The following UNC5B variants were observed in gnomAD, a reference collection of about 807,000 sequenced individuals.
UNC5B encodes unc-5 netrin receptor B, also known as netrin receptor UNC5B.
UNC5B carries 56 observed loss-of-function variants against 103.7 expected under a neutral mutation model. The observed-to-expected ratio is 0.54, with a 90% CI of 0.44 to 0.67. UNC5B has a LOEUF of 0.67. Ranked by LOEUF, UNC5B falls within the 30% of genes least tolerant of loss-of-function variation. UNC5B has a pLI of 0.00. For missense variants in UNC5B, 1,194 were observed against 1,284.5 expected (o/e 0.93, Z 1.08); for synonymous variants, 577 against 542.0 (o/e 1.06, Z -0.90).
chr10:71,276,333 C>T (rs990654095), intron 1 of UNC5B, among the ~76,000 whole-genome samples: 1 of 152,132 alleles, frequency 6.6e-6, no homozygotes, highest in Non-Finnish European at 1.5e-5. Context: ...TTCTCCCACC[C>T]AGCTGGTATC....
intron 1 of UNC5B, among the ~76,000 whole-genome samples, chr10:71,221,300 G>A (rs1256574314): frequency 6.6e-6 from 1 of 152,154 alleles, no homozygotes; most frequent in Non-Finnish European, 1.5e-5. Context: ...GGCAGCCTGG[G>A]CATGTGCGAG....
Position 71,279,960 on chromosome 10 carries a change from C to T in UNC5B, c.219C>T (p.Pro73=), listed in dbSNP as rs760619135. The change falls in exon 2 of 17, where the codon CCC becomes CCT. Residue 73 remains proline (P), a synonymous_variant. Coordinates refer to ENST00000335350, the MANE Select transcript of UNC5B (RefSeq NM_170744.5). ...TGGAGCTCCGCTGCCGCGCCTTCCC[C>T]GCCACACAGATCTACTTCAAGTGCA... The part of the protein sequence containing the change: ...KPVELRCRAF[P]ATQIYFKCNG... 1.1e-4 allele frequency: 183 copies of T among 1,614,066 alleles called. No homozygotes were observed. Among genetic ancestry groups the T allele is most frequent in the Non-Finnish European group, 1.4e-4 (163 of 1,180,062 alleles).
intron 4 of UNC5B, among the ~76,000 whole-genome samples, chr10:71,286,263 C>T (rs1376127083): frequency 6.6e-6 from 1 of 152,192 alleles, no homozygotes; most frequent in African/African-American, 2.4e-5. Flanking sequence ...GGACCTTCTT[C>T]GTATCACCTC....
At chr10:71,264,051 C>A (rs756000789) in intron 1 of UNC5B, among the ~76,000 whole-genome samples, 1 of 152,206 alleles carries the variant, frequency 6.6e-6, no homozygotes, top group Non-Finnish European at 1.5e-5. Flanking sequence ...ACTCTTTATC[C>A]TTTCCAGAGG....
Position 71,296,719 on chromosome 10 carries a change from CA to C in UNC5B, c.2468del (p.Gln823ArgfsTer48). ...AGTGGAAGGGGAGGGCCAGATATTC[CA>C]GCTGCATACCACTCTGGCAGAGGTG... is the stretch of plus-strand genomic sequence containing the variant. Reference protein sequence around the residue: ...RQVEGEGQIFQLHTTLAETPA... With the variant: ...RQVEGEGQIFXLHTTLAETPA... On this transcript the variant is annotated frameshift_variant, in exon 15 of 17. Transcript: ENST00000335350. LOFTEE classifies it high-confidence loss of function. 1.9e-6 allele frequency: 3 copies of C among 1,610,320 alleles called. No individual in the cohort carries two copies. The highest frequency in any genetic ancestry group is 2.5e-6 in the Non-Finnish European group (3 of 1,178,378).
At chr10:71,241,601 A>G (rs1403066469) in intron 1 of UNC5B, among the ~76,000 whole-genome samples, 1 of 152,016 alleles carries the variant, frequency 6.6e-6, no homozygotes, top group African/African-American at 2.4e-5. Context: ...TGTCCCTGGG[A>G]GGCTGAGCTG....
chr10:71,267,950 G>A (rs1288798168), intron 1 of UNC5B, among the ~76,000 whole-genome samples: 1 of 152,192 alleles, frequency 6.6e-6, no homozygotes, highest in South Asian at 2.1e-4. Context: ...TGTGATCTGA[G>A]GCAAGTTACT....
chr10:71,227,689 C>CAT lies in UNC5B; in HGVS notation c.79+14633_79+14634dup, dbSNP rs1369262214. Among the ~76,000 whole-genome samples the CAT allele has an allele frequency of 4.4e-3, 592 of 134,144 alleles. 1 individual carries two copies. Among genetic ancestry groups the CAT allele is most frequent in the African/African-American group, 0.013 (428 of 33,082 alleles). 88.0% of individuals were successfully genotyped at this position (134,144 alleles called of 152,430 possible). ...ATACACATATATACATATATATACA[C>CAT]ATATATATACACACATATACACACA... is the stretch of plus-strand genomic sequence containing the variant. On this transcript the variant is annotated intron_variant, in intron 1 of 16. Coordinates refer to ENST00000335350, the MANE Select transcript of UNC5B (RefSeq NM_170744.5).
chr10:71,236,399 G>A (rs867541364), intron 1 of UNC5B, among the ~76,000 whole-genome samples: 4 of 152,224 alleles, frequency 2.6e-5, no homozygotes, highest in Admixed American at 2.6e-4. Context: ...AGCAATGCAA[G>A]ATCATTTTTT....
intron 1 of UNC5B, among the ~76,000 whole-genome samples, chr10:71,228,846 T>G (rs1476392904): frequency 8.5e-5 from 13 of 152,166 alleles, no homozygotes; most frequent in Admixed American, 8.5e-4. Context: ...AAGAGCAAAC[T>G]GGGGCTCAGG....
At chr10:71,245,345 A>C (rs938838334) in intron 1 of UNC5B, among the ~76,000 whole-genome samples, 2 of 152,184 alleles carry the variant, frequency 1.3e-5, no homozygotes, top group African/African-American at 2.4e-5. Flanking sequence ...ATTCGCACCT[A>C]CATTCGCGTT....
intron 1 of UNC5B, among the ~76,000 whole-genome samples, chr10:71,263,553 C>T (rs986162864): frequency 6.6e-6 from 1 of 152,198 alleles, no homozygotes; most frequent in Non-Finnish European, 1.5e-5. Flanking sequence ...TAGAGCCAGC[C>T]CCCAGCCCCC....
At chr10:71,264,955 G>A (rs1329277542) in intron 1 of UNC5B, among the ~76,000 whole-genome samples, 3 of 139,384 alleles carry the variant, frequency 2.2e-5, no homozygotes, top group African/African-American at 8.1e-5. Flanking sequence ...GCAACATAGT[G>A]AGACCCCTGT....
intron 8 of UNC5B, among the ~76,000 whole-genome samples, chr10:71,289,627 C>T (rs888636101): frequency 2.6e-5 from 4 of 152,252 alleles, no homozygotes; most frequent in Non-Finnish European, 5.9e-5. Context: ...ATCAGTGAGG[C>T]CCTCGGCCGA....
intron 1 of UNC5B, among the ~76,000 whole-genome samples, chr10:71,236,743 C>A (rs1387491669): frequency 2.6e-5 from 4 of 152,230 alleles, no homozygotes; most frequent in Non-Finnish European, 4.4e-5. Flanking sequence ...GTCTGCTCTG[C>A]TTCTCCTCTG....
At chr10:71,258,315 G>A (rs1357999544) in intron 1 of UNC5B, among the ~76,000 whole-genome samples, 2 of 152,188 alleles carry the variant, frequency 1.3e-5, no homozygotes, top group Admixed American at 6.5e-5. Context: ...CTAGGATACA[G>A]GAATCTGTAT....
intron 1 of UNC5B, among the ~76,000 whole-genome samples, chr10:71,214,162 A>T (rs1394220523): frequency 6.6e-6 from 1 of 152,048 alleles, no homozygotes; most frequent in Admixed American, 6.6e-5. Flanking sequence ...GTTGAGGCTG[A>T]GAATGGAGCA....
At position 71,299,492 on chromosome 10, in the gene UNC5B, C is replaced by T. The variant is rs181227927; in HGVS notation, c.*215C>T. 46 of 557,210 alleles carry T rather than the reference C, an allele frequency of 8.3e-5. No homozygotes were observed. Among genetic ancestry groups the T allele is most frequent in the Admixed American group, 2.5e-4 (8 of 31,894 alleles). The allele number at this position is 557,210 out of a possible 1,614,324, so 34.5% of individuals were successfully genotyped here. A position where few individuals can be genotyped will look rare whatever the true frequency, so the allele number is the denominator to read the frequency against. On this transcript the variant is annotated 3_prime_UTR_variant, in exon 17 of 17. Transcript: ENST00000335350. ...GGGCCCAGAGTTCCTTCTCCACCCC[C>T]GCTCTCTCTCTCTTGGCCTGAGATC...
chr10:71,215,107 T>A (rs1205752494), intron 1 of UNC5B, among the ~76,000 whole-genome samples: 1 of 152,218 alleles, frequency 6.6e-6, no homozygotes, highest in Non-Finnish European at 1.5e-5. Flanking sequence ...CACACAATCT[T>A]GTTTTTCTCT....
Sources: allele counts gnomAD v4.1 joint callset (sites outside exome capture counted in the v4.1 genomes callset), GRCh38; gene constraint gnomAD v4.1.1; transcripts MANE v1.5; gene names NCBI Gene and HGNC (gene_info 2026-07-23, HGNC 2026-07-21).